The following KDR variants were observed in gnomAD, a reference collection of about 807,000 sequenced individuals.
The protein encoded by KDR is vascular endothelial growth factor receptor 2.
In KDR, 43 loss-of-function variants were observed where a neutral mutation model predicts 160.9. The ratio of observed to expected loss-of-function variants is 0.27; its 90% confidence interval spans 0.21 to 0.34. KDR has a LOEUF of 0.34. Among genes scored for constraint, KDR ranks in the 10% least tolerant of loss-of-function variants. The pLI, the probability that KDR is intolerant of heterozygous loss-of-function variation, is 1.00. For synonymous variants in KDR, 617 were observed against 600.1 expected (o/e 1.03, Z -0.41); for missense variants, 1,469 against 1,666.4 (o/e 0.88, Z 2.06).
chr4:55,121,249 A>C (rs1578141372), intron 1 of KDR, 59 bp from the exon 2 acceptor site: 1 of 1,193,310 alleles, frequency 8.4e-7, no homozygotes. Flanking sequence ...AATAGGAAAC[A>C]CCTTCCATAA....
chr4:55,124,025 AGG>A (rs1720964172), intron 1 of KDR, among the ~76,000 whole-genome samples: 1 of 152,192 alleles, frequency 6.6e-6, no homozygotes, highest in African/African-American at 2.4e-5. Flanking sequence ...CTGCCCAGAA[AGG>A]GGGAGAGAGA....
At chr4:55,115,495 A>C (rs1329101562) in intron 3 of KDR, 84 bp from the exon 4 acceptor site, 3 of 759,462 alleles carry the variant, frequency 4.0e-6, no homozygotes, top group Non-Finnish European at 7.1e-6. Flanking sequence ...AACTCTAACC[A>C]GACAAGTGAA....
rs1006270582 is a variant in KDR, at chr4:55,102,310, A to G, written c.2134+52T>C. On this transcript the variant is annotated intron_variant, in intron 14 of 29. Transcript: ENST00000263923. ...AAGAAATAATATGGCTTTTTAGATA[A>G]CATCCCTGGGAAAGTTCTGCAACCC... 6 of 1,579,792 alleles carry G rather than the reference A, an allele frequency of 3.8e-6. No homozygotes were observed. The African/African-American group carries it at 8.1e-5, about 21-fold the overall frequency.
Position 55,115,311 on chromosome 4 carries a change from G to C in KDR, c.459C>G (p.Ser153=), listed in dbSNP as rs55732301. ...NKTVVIPCLG[S]ISNLNVSLCA... Reference sequence around the variant, plus strand: ...AAAGTGACACGTTGAGATTTGAAATGGACCCGAGACATGGAATCACCACAG... The same window carrying C: ...AAAGTGACACGTTGAGATTTGAAATCGACCCGAGACATGGAATCACCACAG... The change falls in exon 4 of 30, where the codon TCC becomes TCG. Residue 153 remains serine (S), a synonymous_variant. Coordinates refer to ENST00000263923, the MANE Select transcript of KDR (RefSeq NM_002253.4). 125 of 1,610,262 alleles carry C rather than the reference G, an allele frequency of 7.8e-5. No homozygotes were observed. The highest frequency in any genetic ancestry group is 9.9e-5 in the Non-Finnish European group (116 of 1,176,684).
At chr4:55,118,878 G>A (rs1048830967) in intron 2 of KDR, 78 bp from the exon 3 acceptor site, 3 of 1,266,902 alleles carry the variant, frequency 2.4e-6, no homozygotes, top group African/African-American at 2.9e-5. Context: ...AGAAAATTTG[G>A]TTTTGAAACT....
intron 15 of KDR, among the ~76,000 whole-genome samples, 199 bp from the exon 16 acceptor site, chr4:55,099,002 T>G (rs922222033): frequency 6.7e-6 from 1 of 149,946 alleles, no homozygotes; most frequent in Non-Finnish European, 1.5e-5. Context: ...TTTATTTATT[T>G]ATTTATTTAT....
At position 55,110,456 on chromosome 4, in the gene KDR, G is replaced by A. The variant is rs770093244; in HGVS notation, c.1202C>T (p.Thr401Ile). The A allele has an allele frequency of 6.2e-6, 10 of 1,613,910 alleles. No individual in the cohort carries two copies. The highest frequency in any genetic ancestry group is 1.7e-5 in the Admixed American group (1 of 59,988). ...CTGCTTCTCCTTTGAAATGGGATTGGTAAGGATGACAGTGTAATTTCCTGT... is the reference window on the plus strand; with the variant it reads ...CTGCTTCTCCTTTGAAATGGGATTGATAAGGATGACAGTGTAATTTCCTGT... ...RDTGNYTVIL[T>I]NPISKEKQSH... Residue 401 changes from threonine (T) to isoleucine (I), a missense_variant, in exon 9 of 30, where the codon ACC becomes ATC. Thr to Ile is a moderately conservative substitution (Grantham distance 89). Coordinates refer to ENST00000263923, the MANE Select transcript of KDR (RefSeq NM_002253.4).
intron 29 of KDR, among the ~76,000 whole-genome samples, chr4:55,080,805 C>T (rs1719713060): frequency 6.6e-6 from 1 of 152,178 alleles, no homozygotes; most frequent in African/African-American, 2.4e-5. Context: ...CATGTCAAAG[C>T]CTAGAAATGC....
chr4:55,079,049 AT>A lies in KDR; in HGVS notation c.*891del, dbSNP rs1560510477. 39 of 233,298 alleles carry A rather than the reference AT, an allele frequency of 1.7e-4. No individual in the cohort carries two copies. The highest frequency in any genetic ancestry group is 8.1e-4 in the African/African-American group (37 of 45,482). The allele number at this position is 233,298 out of a possible 1,614,324, so 14.5% of individuals were successfully genotyped here. A position where few individuals can be genotyped will look rare whatever the true frequency, so the allele number is the denominator to read the frequency against. On this transcript the variant is annotated 3_prime_UTR_variant, in exon 30 of 30. Coordinates refer to ENST00000263923, the MANE Select transcript of KDR (RefSeq NM_002253.4). The stretch of plus-strand genomic sequence containing the variant: ...TCAGACATATCACATCAGGACAGAT[AT>A]GAGGGTATTCATTCCAGAAGAAACC...
chr4:55,093,585 T>C (rs1695737257), intron 21 of KDR, among the ~76,000 whole-genome samples: 2 of 152,218 alleles, frequency 1.3e-5, no homozygotes, highest in Admixed American at 1.3e-4. Flanking sequence ...CCACTCAGTG[T>C]GGGCCCAGCT....
intron 13 of KDR, 97 bp from the exon 14 acceptor site, chr4:55,102,605 A>T: frequency 7.4e-7 from 1 of 1,343,216 alleles, no homozygotes; most frequent in Non-Finnish European, 1.1e-6. Context: ...TTTAGTAAAA[A>T]GGAACTTGTT....
chr4:55,121,086 T>C lies in KDR; in HGVS notation c.161+11A>G, dbSNP rs1161576536. ...TAACACAAGAAATCTAGATCTAGAATGAATCCTTACCTGCAAGTAATTTGA... is the reference window on the plus strand; with the variant it reads ...TAACACAAGAAATCTAGATCTAGAACGAATCCTTACCTGCAAGTAATTTGA... On this transcript the variant is annotated intron_variant, in intron 2 of 29. Transcript: ENST00000263923. The C allele has an allele frequency of 4.5e-6, 7 of 1,565,694 alleles. No homozygotes were observed. Among genetic ancestry groups the C allele is most frequent in the East Asian group, 2.2e-5 (1 of 44,632 alleles).
chr4:55,121,029 A>T, intron 2 of KDR, 68 bp downstream of exon 2: 1 of 1,107,230 alleles, frequency 9.0e-7, no homozygotes, highest in Non-Finnish European at 1.4e-6. Flanking sequence ...CTCTACTGGA[A>T]ATTATTTCCA....
intron 5 of KDR, among the ~76,000 whole-genome samples, chr4:55,114,480 C>G (rs1025789815): frequency 1.3e-5 from 2 of 152,156 alleles, no homozygotes; most frequent in African/African-American, 4.8e-5. Context: ...ACCCAGTGGA[C>G]AGAAAAGTAG....
intron 7 of KDR, among the ~76,000 whole-genome samples, chr4:55,112,103 A>G (rs1429324326): frequency 6.6e-6 from 1 of 152,236 alleles, no homozygotes; most frequent in East Asian, 1.9e-4. Context: ...CAAAAAATTA[A>G]GGTGATTTTC....
At chr4:55,103,930 C>T (rs1427450944) in intron 13 of KDR, among the ~76,000 whole-genome samples, 3 of 152,268 alleles carry the variant, frequency 2.0e-5, no homozygotes, top group Non-Finnish European at 4.4e-5. Flanking sequence ...TTGCACAAGG[C>T]ATGAGGTTAG....
At chr4:55,107,686 T>C (rs1720478346) in intron 10 of KDR, 51 bp downstream of exon 10, 1 of 1,611,516 alleles carries the variant, frequency 6.2e-7, no homozygotes, top group African/African-American at 1.3e-5. Context: ...ATAGCTCAGC[T>C]GTAAGAAATG....
intron 1 of KDR, among the ~76,000 whole-genome samples, chr4:55,124,619 C>A (rs920376933): frequency 4.6e-5 from 7 of 152,076 alleles, no homozygotes; most frequent in Non-Finnish European, 1.0e-4. Flanking sequence ...CCTATTCCCC[C>A]CCTTCTTCGC....
Position 55,089,957 on chromosome 4 carries a change from TCTC to T in KDR, c.3188_3190del (p.Gly1063del). ...ACTGGGTTCATATTTGAAACTTACATCTCCTTTTCTGACATAATCTGGATCTTT... is the reference window on the plus strand; with the variant it reads ...ACTGGGTTCATATTTGAAACTTACATCTTTTCTGACATAATCTGGATCTTT... On this transcript the variant is annotated inframe_deletion and splice_region_variant, in exon 23 of 30. Transcript: ENST00000263923. 2 of 1,614,088 alleles carry T rather than the reference TCTC, an allele frequency of 1.2e-6. No individual in the cohort carries two copies. Among genetic ancestry groups the T allele is most frequent in the Non-Finnish European group, 1.7e-6 (2 of 1,179,968 alleles).
Sources: gnomAD v4.1 joint callset for allele counts (sites outside exome capture counted in the v4.1 genomes callset) on GRCh38, gnomAD v4.1.1 for gene constraint, MANE v1.5 for transcripts, NCBI Gene and HGNC (gene_info 2026-07-23, HGNC 2026-07-21) for gene names.